The following HPSE2 variants were observed in gnomAD, a reference collection of about 807,000 sequenced individuals.
HPSE2 encodes the protein inactive heparanase-2.
Under a neutral mutation model 60.5 loss-of-function variants are expected in HPSE2, and 38 were observed. That is an observed-to-expected ratio of 0.63 (90% CI 0.48 to 0.82). The LOEUF (loss-of-function observed/expected upper bound fraction) is 0.82. HPSE2 is among the 40% of genes least tolerant of loss of function. The pLI is 0.00. For missense variants in HPSE2, 713 were observed against 740.4 expected (o/e 0.96, Z 0.43); for synonymous variants, 295 against 293.2 (o/e 1.01, Z -0.06).
intron 9 of HPSE2, among the ~76,000 whole-genome samples, chr10:98,527,223 A>T (rs954174284): frequency 3.9e-5 from 6 of 152,012 alleles, no homozygotes; most frequent in Admixed American, 3.3e-4. Context: ...ACTCTTTATG[A>T]TCTACTCTCC....
intron 3 of HPSE2, among the ~76,000 whole-genome samples, chr10:98,853,162 T>C (rs1452668425): frequency 6.6e-6 from 1 of 152,264 alleles, no homozygotes; most frequent in Non-Finnish European, 1.5e-5. Flanking sequence ...AGGCAATTTA[T>C]GGAAGGCTGA....
chr10:98,729,051 A>T lies in HPSE2; in HGVS notation c.785-7223T>A, dbSNP rs80311800. On this transcript the variant is annotated intron_variant, in intron 4 of 11. Transcript: ENST00000370552. ...AGAAAAGAAAAGAACAAAACAATGAAAACAGTACCTTAGACAATATTTCTT... is the reference window on the plus strand; with the variant it reads ...AGAAAAGAAAAGAACAAAACAATGATAACAGTACCTTAGACAATATTTCTT... 1.6e-3 allele frequency among the ~76,000 whole-genome samples: 250 copies of T among 152,222 alleles called. 9 individuals carry two copies. In the East Asian group the frequency reaches 0.036, roughly 22 times the overall value.
chr10:98,799,768 G>A (rs1413259213), intron 3 of HPSE2, among the ~76,000 whole-genome samples: 6 of 151,586 alleles, frequency 4.0e-5, no homozygotes, highest in Admixed American at 3.3e-4. Context: ...CAACCTATGG[G>A]ATACAGCAGA....
At chr10:98,902,782 G>T (rs1281634802) in intron 3 of HPSE2, among the ~76,000 whole-genome samples, 1 of 152,064 alleles carries the variant, frequency 6.6e-6, no homozygotes, top group African/African-American at 2.4e-5. Flanking sequence ...AAAATGTTTA[G>T]GGCTTAAGTG....
intron 3 of HPSE2, among the ~76,000 whole-genome samples, chr10:98,847,358 TG>T (rs1448870162): frequency 6.6e-6 from 1 of 152,242 alleles, no homozygotes; most frequent in East Asian, 1.9e-4. Flanking sequence ...ATTTAATGTC[TG>T]TAACAACCCT....
intron 9 of HPSE2, among the ~76,000 whole-genome samples, chr10:98,549,814 G>C (rs61872974): frequency 6.6e-6 from 1 of 151,914 alleles, no homozygotes; most frequent in African/African-American, 2.4e-5. Context: ...ATCTCAGAAC[G>C]AGCCTTCTCT....
At chr10:99,065,685 TA>T (rs1428061320) in intron 3 of HPSE2, among the ~76,000 whole-genome samples, 2 of 152,154 alleles carry the variant, frequency 1.3e-5, no homozygotes, top group African/African-American at 4.8e-5. Context: ...CAGAGAATTC[TA>T]GAAGAAATAT....
chr10:99,083,298 G>C (rs567759092), intron 3 of HPSE2, among the ~76,000 whole-genome samples: 21 of 152,250 alleles, frequency 1.4e-4, no homozygotes, highest in African/African-American at 4.8e-4. Flanking sequence ...AAAGAGATAT[G>C]GATTCTCCTA....
At position 98,505,542 on chromosome 10, in the gene HPSE2, C is replaced by T. The variant is rs140528182; in HGVS notation, c.1321-15346G>A. On this transcript the variant is annotated intron_variant, in intron 9 of 11. Transcript: ENST00000370552. ...ATCTCCTCTTGATTTACATCCTTGC[C>T]CACACTCATCACTTTCAGACTTCTT... 3.5e-4 allele frequency among the ~76,000 whole-genome samples: 53 copies of T among 152,294 alleles called. 2 individuals are homozygous for T. In the East Asian group the frequency reaches 0.01, roughly 29 times the overall value.
At chr10:98,695,702 C>A (rs567496351) in intron 5 of HPSE2, among the ~76,000 whole-genome samples, 4 of 152,270 alleles carry the variant, frequency 2.6e-5, no homozygotes, top group Non-Finnish European at 5.9e-5. Context: ...CAGATATCCT[C>A]TGCTTTTGAA....
intron 3 of HPSE2, among the ~76,000 whole-genome samples, chr10:98,910,180 G>T (rs1020091961): frequency 1.3e-5 from 2 of 151,826 alleles, no homozygotes; most frequent in Non-Finnish European, 3.0e-5. Flanking sequence ...CAAGCACAGA[G>T]GAAAGAGACT....
At chr10:98,731,176 C>T (rs1363070047) in intron 4 of HPSE2, among the ~76,000 whole-genome samples, 2 of 152,130 alleles carry the variant, frequency 1.3e-5, no homozygotes, top group Admixed American at 6.6e-5. Flanking sequence ...ATCCCAGCTA[C>T]TCAGGAGGCT....
chr10:98,795,985 A>C (rs1015171597), intron 3 of HPSE2, among the ~76,000 whole-genome samples: 1 of 152,180 alleles, frequency 6.6e-6, no homozygotes, highest in African/African-American at 2.4e-5. Context: ...ATTGCTGCTG[A>C]CTGAAGAGCC....
intron 3 of HPSE2, among the ~76,000 whole-genome samples, chr10:98,776,791 A>G (rs1228649943): frequency 6.6e-6 from 1 of 151,300 alleles, no homozygotes; most frequent in Non-Finnish European, 1.5e-5. Flanking sequence ...ATTAGTATAC[A>G]AACTGTGTAT....
Position 98,938,135 on chromosome 10 carries a change from G to A in HPSE2, c.611-194079C>T, listed in dbSNP as rs1954865326. 2.1e-5 allele frequency among the ~76,000 whole-genome samples: 3 copies of A among 143,414 alleles called. 1 individual carries two copies. Among genetic ancestry groups the A allele is most frequent in the African/African-American group, 8.6e-5 (3 of 34,988 alleles). 94.1% of individuals were successfully genotyped at this position (143,414 alleles called of 152,430 possible). On this transcript the variant is annotated intron_variant, in intron 3 of 11. Coordinates refer to ENST00000370552, the MANE Select transcript of HPSE2 (RefSeq NM_021828.5). Reference sequence around the variant, plus strand: ...AAAAGTAGATAAAACCACAAAGATGGGGAAAAAACAGAGCAGAAAAACTGG... The same window carrying A: ...AAAAGTAGATAAAACCACAAAGATGAGGAAAAAACAGAGCAGAAAAACTGG...
intron 9 of HPSE2, among the ~76,000 whole-genome samples, chr10:98,548,355 G>A (rs188720971): frequency 2.6e-3 from 389 of 152,234 alleles, no homozygotes; most frequent in Middle Eastern, 6.8e-3. Context: ...GGTGGCTCAC[G>A]CCTGTAATCC....
In HPSE2 at chr10:98,708,184, C is replaced by T. The variant is rs553906801; in HGVS notation, c.956+13473G>A. On this transcript the variant is annotated intron_variant, in intron 5 of 11. Transcript: ENST00000370552. ...TATTTAAAAAATTTCAGGCCGGGCA[C>T]GGTGGCTCACGCCTGTAATCCCAGT... 7.2e-5 allele frequency among the ~76,000 whole-genome samples: 11 copies of T among 152,144 alleles called. No individual in the cohort carries two copies. In the East Asian group the frequency reaches 1.9e-3, roughly 27 times the overall value.
chr10:98,700,099 A>G lies in HPSE2; in HGVS notation c.957-6152T>C, dbSNP rs1252163781. 2.6e-5 allele frequency among the ~76,000 whole-genome samples: 4 copies of G among 151,350 alleles called. No homozygotes were observed. In the East Asian group the frequency reaches 7.8e-4, roughly 29 times the overall value. On this transcript the variant is annotated intron_variant, in intron 5 of 11. Transcript: ENST00000370552. Reference sequence around the variant, plus strand: ...AATTTATAGATTCAATGCCATCCCCATCAAGCTACCAATGACTTTCTTCAC... The same window carrying G: ...AATTTATAGATTCAATGCCATCCCCGTCAAGCTACCAATGACTTTCTTCAC...
At chr10:98,712,627 T>TATC (rs1948702121) in intron 5 of HPSE2, among the ~76,000 whole-genome samples, 1 of 152,140 alleles carries the variant, frequency 6.6e-6, no homozygotes, top group African/African-American at 2.4e-5. Flanking sequence ...ATATAGCATA[T>TATC]ATCATGTGGT....
Sources: gnomAD v4.1 joint callset for allele counts (sites outside exome capture counted in the v4.1 genomes callset) on GRCh38, gnomAD v4.1.1 for gene constraint, MANE v1.5 for transcripts, NCBI Gene and HGNC (gene_info 2026-07-23, HGNC 2026-07-21) for gene names.